Variants in WWOX observed in about 807,000 individuals in gnomAD.
WWOX encodes the protein WW domain containing oxidoreductase.
In WWOX, 69 loss-of-function variants were observed where a neutral mutation model predicts 46.2. That is an observed-to-expected ratio of 1.49 (90% confidence interval 1.23 to 1.82). WWOX has a LOEUF of 1.82. Among genes scored for constraint, WWOX ranks in the 40% most tolerant of loss-of-function variants. The probability of loss-of-function intolerance (pLI) is 0.00; values close to 1 mark genes in which losing one functional copy is unlikely to be tolerated. For synonymous variants in WWOX, 359 were observed against 202.6 expected (o/e 1.77, Z -6.56); for missense variants, 919 against 542.6 (o/e 1.69, Z -6.89).
chr16:78,992,964 T>G lies in WWOX; in HGVS notation c.1057-218644T>G, dbSNP rs989919609. The stretch of plus-strand genomic sequence containing the variant: ...TAGAGTCTCATCTTTAAAAAAAAAA[T>G]TATTCAGTGACTTCCTCCCTCTCTT... On this transcript the variant is annotated intron_variant, in intron 8 of 8. Transcript: ENST00000566780. Among the ~76,000 whole-genome samples the G allele has an allele frequency of 2.9e-5, 4 of 139,468 alleles. No individual in the cohort carries two copies. The South Asian group carries it at 7.0e-4, about 24-fold the overall frequency. 91.5% of individuals were successfully genotyped at this position (139,468 alleles called of 152,430 possible). A position where few individuals can be genotyped will look rare whatever the true frequency, so the allele number is the denominator to read the frequency against.
At chr16:78,818,423 C>G (rs1381649906) in intron 8 of WWOX, among the ~76,000 whole-genome samples, 5 of 152,186 alleles carry the variant, frequency 3.3e-5, no homozygotes, top group South Asian at 2.1e-4. Context: ...GTAGAAAGCC[C>G]TAGGACAAGG....
intron 4 of WWOX, among the ~76,000 whole-genome samples, chr16:78,159,672 G>GTTTTTTTTT (rs35468343): frequency 7.8e-4 from 43 of 55,346 alleles, no homozygotes; most frequent in East Asian, 1.7e-3. Context: ...AAAATCTGTG[G>GTTTTTTTTT]TTTTTTTTTT....
chr16:78,251,473 G>T (rs1454900706), intron 5 of WWOX, among the ~76,000 whole-genome samples: 8 of 152,096 alleles, frequency 5.3e-5, no homozygotes, highest in Non-Finnish European at 1.2e-4. Flanking sequence ...CTGTACAGGT[G>T]CCAGGCGTCT....
intron 5 of WWOX, among the ~76,000 whole-genome samples, chr16:78,323,161 A>T (rs978629106): frequency 2.0e-5 from 3 of 152,074 alleles, no homozygotes; most frequent in African/African-American, 7.2e-5. Context: ...AGGCTGGAGT[A>T]CAGTGGCACG....
At chr16:79,055,942 A>G (rs1232978419) in intron 8 of WWOX, among the ~76,000 whole-genome samples, 4 of 152,248 alleles carry the variant, frequency 2.6e-5, no homozygotes, top group African/African-American at 2.4e-5. Context: ...TAAATTTCTC[A>G]TAAATATTTG....
chr16:78,321,961 G>A (rs185627569), intron 5 of WWOX, among the ~76,000 whole-genome samples: 4 of 152,232 alleles, frequency 2.6e-5, no homozygotes. Context: ...ATAAGTGACA[G>A]ACCTGCAGAG....
chr16:78,784,658 G>T (rs1382243269), intron 8 of WWOX, among the ~76,000 whole-genome samples: 2 of 152,190 alleles, frequency 1.3e-5, no homozygotes, highest in South Asian at 2.1e-4. Flanking sequence ...CATTTGCTAG[G>T]CTCACAGTCA....
chr16:78,380,150 G>A (rs967719685), intron 5 of WWOX, among the ~76,000 whole-genome samples: 1 of 152,206 alleles, frequency 6.6e-6, no homozygotes, highest in Non-Finnish European at 1.5e-5. Context: ...GAGCAGGACA[G>A]CATGAGGCAG....
chr16:78,603,448 A>G (rs1262442482), intron 8 of WWOX, among the ~76,000 whole-genome samples: 3 of 152,230 alleles, frequency 2.0e-5, no homozygotes, highest in Non-Finnish European at 2.9e-5. Context: ...CAATCCCAGC[A>G]TTTTGGGAGG....
intron 8 of WWOX, among the ~76,000 whole-genome samples, chr16:78,849,843 T>TA: frequency 6.6e-6 from 1 of 151,868 alleles, no homozygotes; most frequent in Admixed American, 6.6e-5. Flanking sequence ...GAGGCCGAGG[T>TA]GGTCAGATCA....
chr16:79,178,775 T>G (rs1222829601), intron 8 of WWOX, among the ~76,000 whole-genome samples: 2 of 152,222 alleles, frequency 1.3e-5, no homozygotes, highest in African/African-American at 4.8e-5. Context: ...GTCGACTAAT[T>G]TTATGACAGT....
At chr16:79,162,691 T>C (rs897429309) in intron 8 of WWOX, among the ~76,000 whole-genome samples, 2 of 152,176 alleles carry the variant, frequency 1.3e-5, no homozygotes, top group African/African-American at 4.8e-5. Flanking sequence ...CAAGGTCCTG[T>C]GTTCACCGCC....
intron 8 of WWOX, among the ~76,000 whole-genome samples, chr16:78,704,436 T>C (rs2048290394): frequency 6.6e-6 from 1 of 152,196 alleles, no homozygotes; most frequent in Admixed American, 6.5e-5. Context: ...ACAAGAATTA[T>C]AGTTTCTGTA....
At chr16:78,164,310 G>T (rs768446693) in intron 5 of WWOX, 21 bp downstream of exon 5, 7 of 1,598,618 alleles carry the variant, frequency 4.4e-6, no homozygotes, top group African/African-American at 4.0e-5. Flanking sequence ...GACTGTTGTT[G>T]TTTTTTTTAA....
chr16:78,713,736 G>A (rs2048498650), intron 8 of WWOX, among the ~76,000 whole-genome samples: 1 of 152,184 alleles, frequency 6.6e-6, no homozygotes, highest in Admixed American at 6.5e-5. Context: ...GACCTTGAAT[G>A]TGCAGCCTTC....
At chr16:78,148,478 G>T (rs988422913) in intron 4 of WWOX, among the ~76,000 whole-genome samples, 11 of 152,116 alleles carry the variant, frequency 7.2e-5, no homozygotes, top group Non-Finnish European at 1.5e-4. Context: ...ACCTTTAAAA[G>T]ACACAGAGGT....
intron 8 of WWOX, among the ~76,000 whole-genome samples, chr16:78,676,024 T>C (rs2047589936): frequency 6.6e-6 from 1 of 152,044 alleles, no homozygotes; most frequent in South Asian, 2.1e-4. Flanking sequence ...ACAAAGAATT[T>C]TTTTTAGCTT....
At chr16:78,617,273 G>A (rs1323019622) in intron 8 of WWOX, among the ~76,000 whole-genome samples, 1 of 151,902 alleles carries the variant, frequency 6.6e-6, no homozygotes, top group African/African-American at 2.4e-5. Context: ...GTGGTGGCGT[G>A]CACCTGTGGC....
At chr16:78,185,879 T>G in intron 5 of WWOX, among the ~76,000 whole-genome samples, 1 of 152,134 alleles carries the variant, frequency 6.6e-6, no homozygotes, top group Non-Finnish European at 1.5e-5. Flanking sequence ...TTGGCCAGGC[T>G]GGTCTTGAAC....
Sources: allele counts gnomAD v4.1 joint callset (sites outside exome capture counted in the v4.1 genomes callset), GRCh38; gene constraint gnomAD v4.1.1; transcripts MANE v1.5; gene names NCBI Gene and HGNC (gene_info 2026-07-23, HGNC 2026-07-21).